NKPD1: variants seen among roughly 807,000 people sequenced by gnomAD.
NKPD1 encodes NTPase KAP family P-loop domain containing 1.
Under a neutral mutation model 42.2 loss-of-function variants are expected in NKPD1, and 37 were observed. The observed-to-expected ratio is 0.88, with a 90% CI of 0.67 to 1.15. NKPD1 has a LOEUF of 1.15. Among genes scored for constraint, NKPD1 ranks in the 50% most tolerant of loss-of-function variants. The pLI is 0.00. For synonymous variants in NKPD1, 552 were observed against 536.5 expected, an observed-to-expected ratio of 1.03 and a Z score of -0.40; for missense variants, 1,113 against 1,174.6, an observed-to-expected ratio of 0.95 and a Z score of 0.77.
chr19:45,155,640 G>A (rs562307177), intron 4 of NKPD1, 145 bp downstream of exon 4: 36 of 727,644 alleles, frequency 4.9e-5, no homozygotes, highest in Middle Eastern at 8.7e-4. Flanking sequence ...AGCAGAGCCC[G>A]GGGTAGAGGC....
chr19:45,151,838 C>T lies in NKPD1; in HGVS notation c.*100G>A. ...ACCTGGGGGTGTGGGCCTCACAGGG[C>T]TCATTCGGACCCTGGGTTGCGGCCC... On this transcript the variant is annotated 3_prime_UTR_variant, in exon 5 of 5. Coordinates refer to ENST00000686631, the MANE Select transcript of NKPD1 (RefSeq NM_198478.4). 2 of 1,291,002 alleles carry T rather than the reference C, an allele frequency of 1.5e-6. No individual in the cohort carries two copies. The highest frequency in any genetic ancestry group is 3.1e-5 in the African/African-American group (2 of 64,726). The allele number at this position is 1,291,002 out of a possible 1,614,324, so 80.0% of individuals were successfully genotyped here. A position where few individuals can be genotyped will look rare whatever the true frequency, so the allele number is the denominator to read the frequency against.
chr19:45,151,531 C>T lies in NKPD1; in HGVS notation c.*407G>A. 1 of 170,516 alleles carries T rather than the reference C, an allele frequency of 5.9e-6. No homozygotes were observed. The allele number at this position is 170,516 out of a possible 1,614,324, so 10.6% of individuals were successfully genotyped here. ...GTCATCTCTGCAGCCTCACCCACCA[C>T]CCCCGCAGCCTCTCCTGCCACAGAG... On this transcript the variant is annotated 3_prime_UTR_variant, in exon 5 of 5. Coordinates refer to ENST00000686631, the MANE Select transcript of NKPD1 (RefSeq NM_198478.4).
Position 45,155,808 on chromosome 19 carries a change from T to G in NKPD1, c.638A>C (p.His213Pro). ...GFYAPFGCRL[H>P]MMLDKITALM... is the part of the protein sequence containing the mutation. ...ACCCGTGATCTTGTCCAGCATCATG[T>G]GCAGGCGGCAGCCGAAAGGGGCATA... The change falls in exon 4 of 5, where the codon CAC becomes CCC. Residue 213 changes from histidine (H) to proline (P), a missense_variant. Transcript: ENST00000686631. 7.7e-7 allele frequency: 1 copy of G among 1,305,238 alleles called. No homozygotes were observed. The highest frequency in any genetic ancestry group is 1.0e-6 in the Non-Finnish European group (1 of 988,788). The allele number at this position is 1,305,238 out of a possible 1,614,324, so 80.9% of individuals were successfully genotyped here. A position where few individuals can be genotyped will look rare whatever the true frequency, so the allele number is the denominator to read the frequency against.
intron 4 of NKPD1, chr19:45,153,999 C>T (rs993932344): frequency 6.7e-6 from 3 of 445,026 alleles, no homozygotes; most frequent in Non-Finnish European, 1.2e-5. Flanking sequence ...GTCTGAAGGC[C>T]AGGCTGTGGG....
rs1023475162 is a variant in NKPD1 at position 45,156,059 on chromosome 19, T to A, written c.530-143A>T. The A allele has an allele frequency of 9.4e-6, 7 of 742,904 alleles. No homozygotes were observed. The African/African-American group carries it at 1.3e-4, about 14-fold the overall frequency. 46.0% of individuals were successfully genotyped at this position (742,904 alleles called of 1,614,324 possible). ...CTCAGGTCAAACCCTGCAGTGGAGGTTTCTGTGGCCATCAGTGGCCCTCAC... is the reference window on the plus strand; with the variant it reads ...CTCAGGTCAAACCCTGCAGTGGAGGATTCTGTGGCCATCAGTGGCCCTCAC... On this transcript the variant is annotated intron_variant, in intron 3 of 4. Transcript: ENST00000686631.
At position 45,153,105 on chromosome 19, in the gene NKPD1, C is replaced by T; in HGVS notation, c.1332G>A (p.Leu444=). Residue 444 remains leucine, a synonymous_variant, in exon 5 of 5, where the codon CTG becomes CTA. Transcript: ENST00000686631. ...VELLTDFLCF[L]EIYQRRRLRV... ...GCAGCCTGCGCCGCTGGTAGATCTC[C>T]AGGAAGCACAGGAAGTCGGTGAGCA... 1 of 1,574,122 alleles carries T rather than the reference C, an allele frequency of 6.4e-7. No homozygotes were observed. The highest frequency in any genetic ancestry group is 1.4e-5 in the African/African-American group (1 of 74,002).
Position 45,151,771 on chromosome 19 carries a change from C to T in NKPD1, c.*167G>A. The T allele has an allele frequency of 4.5e-6, 3 of 660,990 alleles. No homozygotes were observed. The highest frequency in any genetic ancestry group is 7.1e-6 in the Non-Finnish European group (3 of 423,376). The allele number at this position is 660,990 out of a possible 1,614,324, so 40.9% of individuals were successfully genotyped here. ...TCTCATGCTGGCACCGGCTTGTGGC[C>T]GCACTCCTTGGAAGCTATGTCCACG... On this transcript the variant is annotated 3_prime_UTR_variant, in exon 5 of 5. Transcript: ENST00000686631.
rs1968891179 is a variant in NKPD1, at chr19:45,155,789, G to A, written c.657C>T (p.Ile219=). Reference sequence around the variant, plus strand: ...CAAACACACACAGCTCCTCACCCGTGATCTTGTCCAGCATCATGTGCAGGC... The same window carrying A: ...CAAACACACACAGCTCCTCACCCGTAATCTTGTCCAGCATCATGTGCAGGC... ...GCRLHMMLDK[I]TALMQQEAAQ... The change falls in exon 4 of 5, where the codon ATC becomes ATT. Residue 219 remains isoleucine (I), a synonymous_variant. Coordinates refer to ENST00000686631, the MANE Select transcript of NKPD1 (RefSeq NM_198478.4). 2 of 1,303,448 alleles carry A rather than the reference G, an allele frequency of 1.5e-6. No individual in the cohort carries two copies. Among genetic ancestry groups the A allele is most frequent in the Non-Finnish European group, 2.0e-6 (2 of 987,456 alleles). The allele number at this position is 1,303,448 out of a possible 1,614,324, so 80.7% of individuals were successfully genotyped here. A position where few individuals can be genotyped will look rare whatever the true frequency, so the allele number is the denominator to read the frequency against.
At chr19:45,155,457 C>G (rs1019216866) in intron 4 of NKPD1, among the ~76,000 whole-genome samples, 3 of 152,198 alleles carry the variant, frequency 2.0e-5, no homozygotes, top group African/African-American at 4.8e-5. Flanking sequence ...TTGGCAGGAG[C>G]CTGCAGCCTC....
chr19:45,157,641 C>T (rs1015883101), intron 3 of NKPD1, among the ~76,000 whole-genome samples: 8 of 151,926 alleles, frequency 5.3e-5, no homozygotes, highest in African/African-American at 1.9e-4. Flanking sequence ...GTCTGGAACT[C>T]CTGGCCTCAA....
Position 45,152,213 on chromosome 19 carries a change from A to C in NKPD1, c.2224T>G (p.Cys742Gly), listed in dbSNP as rs1279675759. 1.2e-6 allele frequency: 2 copies of C among 1,601,426 alleles called. No homozygotes were observed. Among genetic ancestry groups the C allele is most frequent in the Admixed American group, 3.4e-5 (2 of 58,168 alleles). The change falls in exon 5 of 5, where the codon TGC becomes GGC. Residue 742 changes from cysteine to glycine, a missense_variant. By Grantham distance (159) the Cys-to-Gly change is radical. This residue lies in a region of NKPD1 where 867 missense variants were observed against 870.1 expected (regional missense o/e 1.00). Transcript: ENST00000686631. Reference protein sequence around the residue: ...TVAEAQSLLRCTVNLDHSIRR... With the variant: ...TVAEAQSLLRGTVNLDHSIRR... Reference sequence around the variant, plus strand: ...ATGGAGTGGTCCAGGTTGACCGTGCAGCGCAGCAGGCTCTGCGCCTCGGCC... The same window carrying C: ...ATGGAGTGGTCCAGGTTGACCGTGCCGCGCAGCAGGCTCTGCGCCTCGGCC...
rs777192463 is a variant in NKPD1, at chr19:45,152,880, G to A, written c.1557C>T (p.Leu519=). The change falls in exon 5 of 5, where the codon CTC becomes CTT. Residue 519 remains leucine (L), a synonymous_variant. Coordinates refer to ENST00000686631, the MANE Select transcript of NKPD1 (RefSeq NM_198478.4). ...KGTADNGYLF[L]NRTVTLPFSV... ...AGAAGGGCAGCGTGACAGTGCGGTT[G>A]AGGAAGAGGTAGCCGTTATCGGCCG... The A allele has an allele frequency of 1.3e-6, 2 of 1,586,660 alleles. No homozygotes were observed. Among genetic ancestry groups the A allele is most frequent in the African/African-American group, 1.3e-5 (1 of 74,360 alleles).
In NKPD1 at chr19:45,153,462, G is replaced by A; in HGVS notation, c.975C>T (p.Thr325=). ...VYSVLGNKPA[T]RQDCCQSEWH... ...ACTCGCTCTGGCAGCAGTCCTGCCT[G>A]GTGGCCGGCTTGTTGCCCAGCACCG... Residue 325 remains threonine, a synonymous_variant, in exon 5 of 5, where the codon ACC becomes ACT. Coordinates refer to ENST00000686631, the MANE Select transcript of NKPD1 (RefSeq NM_198478.4). 5 of 1,550,490 alleles carry A rather than the reference G, an allele frequency of 3.2e-6. No homozygotes were observed. The highest frequency in any genetic ancestry group is 3.5e-6 in the Non-Finnish European group (4 of 1,151,134).
chr19:45,162,128 G>C (rs1040881635), upstream of NKPD1, among the ~76,000 whole-genome samples: 2 of 152,154 alleles, frequency 1.3e-5, no homozygotes, highest in African/African-American at 4.8e-5. Flanking sequence ...GCCCGATCAT[G>C]AAGCGTGGCC....
Position 45,153,711 on chromosome 19 carries a change from C to CGGCCGCCACTGCACGT in NKPD1, c.710_725dup (p.Ser246AlafsTer42). ...GGACGCCCCAGCCGCTCACGGCACG[C>CGGCCGCCACTGCACGT]GGCCGCCACTGCACGTGCTGCAGCT... On this transcript the variant is annotated frameshift_variant, in exon 5 of 5. Transcript: ENST00000686631. LOFTEE classifies it high-confidence loss of function. 6.5e-7 allele frequency: 1 copy of CGGCCGCCACTGCACGT among 1,533,826 alleles called. No homozygotes were observed.
At position 45,153,319 on chromosome 19, in the gene NKPD1, C is replaced by A. The variant is rs754720484; in HGVS notation, c.1118G>T (p.Ser373Ile). The change falls in exon 5 of 5, where the codon AGC becomes ATC. Residue 373 changes from serine to isoleucine, a missense_variant. This residue lies in a region of NKPD1 where 867 missense variants were observed against 870.1 expected (regional missense o/e 1.00). Transcript: ENST00000686631. ...GGHALGHGSP[S>I]GSLLKVFGGA... ...GCCAAACACCTTGAGCAGGCTGCCGCTCGGGCTGCCGTGGCCCAGCGCGTG... is the reference window on the plus strand; with the variant it reads ...GCCAAACACCTTGAGCAGGCTGCCGATCGGGCTGCCGTGGCCCAGCGCGTG... 32 of 1,572,506 alleles carry A rather than the reference C, an allele frequency of 2.0e-5. No individual in the cohort carries two copies. Among genetic ancestry groups the A allele is most frequent in the Non-Finnish European group, 2.8e-5 (32 of 1,160,572 alleles).
intron 3 of NKPD1, 48 bp from the exon 4 acceptor site, chr19:45,155,964 C>A: frequency 1.6e-6 from 2 of 1,284,524 alleles, no homozygotes; most frequent in Non-Finnish European, 2.1e-6. Flanking sequence ...TGGCCAGGCA[C>A]CACCCTCCTC....
rs1398072389 is a variant in NKPD1, at chr19:45,158,619, G to A, written c.529+44C>T. On this transcript the variant is annotated intron_variant, in intron 3 of 4. Transcript: ENST00000686631. This position sits in a 1 kb window ranked among gnomAD's most constrained non-coding sequence, Gnocchi z 4.6. ...AAGGAGAGCAGGTGGGAAGTGAGGC[G>A]GCAGGAGTGGGGACAGGGCCCCCAA... is the stretch of plus-strand genomic sequence containing the variant. 12 of 1,149,524 alleles carry A rather than the reference G, an allele frequency of 1.0e-5. No homozygotes were observed. The Admixed American group carries it at 1.8e-4, about 17-fold the overall frequency. 71.2% of individuals were successfully genotyped at this position (1,149,524 alleles called of 1,614,324 possible).
At chr19:45,157,868 G>A (rs963457451) in intron 3 of NKPD1, among the ~76,000 whole-genome samples, 1 of 151,764 alleles carries the variant, frequency 6.6e-6, no homozygotes, top group Non-Finnish European at 1.5e-5. Context: ...GGGATTACAC[G>A]CGCCAGCCAC....
Sources: allele counts gnomAD v4.1 joint callset (sites outside exome capture counted in the v4.1 genomes callset), GRCh38; gene constraint gnomAD v4.1.1; regional missense constraint gnomAD v4.1.1; non-coding constraint Gnocchi (gnomAD v3.1); transcripts MANE v1.5; gene names NCBI Gene and HGNC (gene_info 2026-07-23, HGNC 2026-07-21).